The following ACVR1 variants were observed in gnomAD, a reference collection of about 807,000 sequenced individuals.
The protein encoded by ACVR1 is activin A receptor type 1, also known as activin receptor type-1.
Under a neutral mutation model 57.1 loss-of-function variants are expected in ACVR1, and 38 were observed. The ratio of observed to expected loss-of-function variants is 0.67; its 90% CI spans 0.51 to 0.87. The LOEUF (loss-of-function observed/expected upper bound fraction) is 0.87, where lower values mean the gene tolerates loss of function less well. Ranked by LOEUF, ACVR1 falls within the 40% of genes least tolerant of loss-of-function variation. The pLI is 0.00. For synonymous variants in ACVR1, 212 were observed against 228.1 expected (o/e 0.93, Z 0.63); for missense variants, 463 against 638.2 (o/e 0.73, Z 2.96).
At chr2:157,790,764 C>T (rs1466752692) in intron 3 of ACVR1, among the ~76,000 whole-genome samples, 1 of 152,070 alleles carries the variant, frequency 6.6e-6, no homozygotes, top group Non-Finnish European at 1.5e-5. Context: ...TTAGTTTTTC[C>T]CATCCCTTTA....
At chr2:157,868,505 C>T (rs1690017498) in intron 1 of ACVR1, among the ~76,000 whole-genome samples, 1 of 142,512 alleles carries the variant, frequency 7.0e-6, no homozygotes, top group Non-Finnish European at 1.6e-5. Context: ...AAAAAATCTG[C>T]AACTATCTTT....
At chr2:157,745,908 T>A (rs1365225131) in intron 9 of ACVR1, among the ~76,000 whole-genome samples, 4 of 152,192 alleles carry the variant, frequency 2.6e-5, no homozygotes, top group Non-Finnish European at 5.9e-5. Context: ...GAGGTTCTTT[T>A]TTCAAAGTAA....
chr2:157,786,908 C>G (rs13405394), intron 3 of ACVR1, among the ~76,000 whole-genome samples: 2 of 152,032 alleles, frequency 1.3e-5, no homozygotes, highest in South Asian at 4.2e-4. Context: ...TTATCCCTAT[C>G]GGTGAAATAA....
At chr2:157,768,914 T>C (rs776708394) in intron 7 of ACVR1, among the ~76,000 whole-genome samples, 3 of 152,226 alleles carry the variant, frequency 2.0e-5, no homozygotes, top group Non-Finnish European at 4.4e-5. Context: ...CCATTGCATG[T>C]TTATTGTTAC....
intron 8 of ACVR1, among the ~76,000 whole-genome samples, chr2:157,763,282 A>G (rs548083725): frequency 6.6e-6 from 1 of 152,332 alleles, no homozygotes; most frequent in South Asian, 2.1e-4. Context: ...TGATGCCTGT[A>G]ACACTTTATT....
chr2:157,866,228 A>G (rs1238147312), intron 1 of ACVR1, among the ~76,000 whole-genome samples: 1 of 152,218 alleles, frequency 6.6e-6, no homozygotes, highest in African/African-American at 2.4e-5. Context: ...ACAAGCCTCT[A>G]TGAGAACAAA....
rs180921976 is a variant in ACVR1 at position 157,743,923 on chromosome 2, G to A, written c.1265-5353C>T. 1.0e-3 allele frequency among the ~76,000 whole-genome samples: 154 copies of A among 152,218 alleles called. 1 individual carries two copies. The highest frequency in any genetic ancestry group is 1.7e-3 in the Non-Finnish European group (118 of 68,006). ...GGAACTGATGGGAAGTTAGAGCCAT[G>A]AGAATTCCATCCTTCCTTTCCTTCA... On this transcript the variant is annotated intron_variant, in intron 9 of 10. Transcript: ENST00000434821.
chr2:157,837,801 AAGG>A (rs759602249), intron 1 of ACVR1, among the ~76,000 whole-genome samples: 27 of 151,930 alleles, frequency 1.8e-4, no homozygotes, highest in Admixed American at 1.2e-3. Context: ...GTAGGAGGAG[AAGG>A]AGGAGGAGGA....
chr2:157,756,947 T>C (rs1685448731), intron 9 of ACVR1, among the ~76,000 whole-genome samples: 1 of 147,654 alleles, frequency 6.8e-6, no homozygotes, highest in Non-Finnish European at 1.5e-5. Flanking sequence ...GCTATCTATC[T>C]ATCTACACGT....
At chr2:157,842,637 A>G (rs562239957) in intron 1 of ACVR1, among the ~76,000 whole-genome samples, 92 of 152,348 alleles carry the variant, frequency 6.0e-4, no homozygotes, top group Admixed American at 9.8e-4. Context: ...CTCATGAATC[A>G]ATGAACTCTG....
chr2:157,863,141 T>C (rs1314617437), intron 1 of ACVR1, among the ~76,000 whole-genome samples: 8 of 146,778 alleles, frequency 5.5e-5, no homozygotes, highest in Non-Finnish European at 1.2e-4. Context: ...GCCTCCCAAG[T>C]AGCTGGGATT....
chr2:157,785,969 CA>C (rs1271107630), intron 3 of ACVR1, among the ~76,000 whole-genome samples: 1 of 152,146 alleles, frequency 6.6e-6, no homozygotes, highest in Non-Finnish European at 1.5e-5. Flanking sequence ...GCATGCTCTT[CA>C]GTTTCCTCTT....
At chr2:157,867,683 T>C (rs1689986685) in intron 1 of ACVR1, among the ~76,000 whole-genome samples, 1 of 151,996 alleles carries the variant, frequency 6.6e-6, no homozygotes, top group African/African-American at 2.4e-5. Flanking sequence ...AACCATGTTT[T>C]TTTTTTTTTA....
At chr2:157,756,845 G>T (rs13030167) in intron 9 of ACVR1, among the ~76,000 whole-genome samples, 257 of 151,534 alleles carry the variant, frequency 1.7e-3, no homozygotes, top group Admixed American at 2.2e-3. Context: ...GAAGATACTT[G>T]TACACACATT....
chr2:157,737,750 C>G, intron 10 of ACVR1, 85 bp from the exon 11 acceptor site: 5 of 1,547,262 alleles, frequency 3.2e-6, no homozygotes, highest in Admixed American at 3.3e-5. Flanking sequence ...GTCTACTATT[C>G]TGAAGAACTC....
intron 9 of ACVR1, among the ~76,000 whole-genome samples, chr2:157,759,876 T>C (rs1243365593): frequency 1.3e-5 from 2 of 152,168 alleles, no homozygotes; most frequent in Admixed American, 1.3e-4. Flanking sequence ...GAAAAAGTTC[T>C]GTGTCTATTC....
intron 2 of ACVR1, among the ~76,000 whole-genome samples, chr2:157,809,760 T>C (rs1362688840): frequency 1.3e-5 from 2 of 152,046 alleles, no homozygotes; most frequent in East Asian, 3.9e-4. Context: ...AGTAGAAAAT[T>C]ATGAATTTGA....
At chr2:157,812,759 T>C (rs1234495717) in intron 2 of ACVR1, among the ~76,000 whole-genome samples, 2 of 152,174 alleles carry the variant, frequency 1.3e-5, no homozygotes, top group Non-Finnish European at 2.9e-5. Context: ...ACTGAAGAAA[T>C]TGTTTTTACA....
intron 1 of ACVR1, among the ~76,000 whole-genome samples, chr2:157,840,744 C>A (rs1002342944): frequency 6.6e-6 from 1 of 152,372 alleles, no homozygotes; most frequent in Non-Finnish European, 1.5e-5. Context: ...GGGCAGGGAG[C>A]ACCTGCTCTC....
Sources: gnomAD v4.1 joint callset for allele counts (sites outside exome capture counted in the v4.1 genomes callset) on GRCh38, gnomAD v4.1.1 for gene constraint, MANE v1.5 for transcripts, NCBI Gene and HGNC (gene_info 2026-07-23, HGNC 2026-07-21) for gene names.